Variants in UTRN observed in about 807,000 individuals in gnomAD.
UTRN encodes utrophin.
In UTRN, 283 loss-of-function variants were observed where a neutral mutation model predicts 463.9. That is an observed-to-expected ratio of 0.61 (90% CI 0.55 to 0.67). The LOEUF is 0.67. Ranked by LOEUF, UTRN falls within the 30% of genes least tolerant of loss-of-function variation. The pLI is 0.00. For missense variants in UTRN, 3,922 were observed against 4,084.3 expected (o/e 0.96, Z 1.08); for synonymous variants, 1,442 against 1,431.5 (o/e 1.01, Z -0.17).
chr6:144,319,930 C>T (rs111539944), intron 2 of UTRN, among the ~76,000 whole-genome samples: 216 of 151,846 alleles, frequency 1.4e-3, no homozygotes, highest in Non-Finnish European at 2.4e-3. Context: ...CTTGGCTCAC[C>T]GCAATGTCCG....
intron 2 of UTRN, among the ~76,000 whole-genome samples, chr6:144,379,424 A>G (rs1443554824): frequency 6.6e-6 from 1 of 151,832 alleles, no homozygotes; most frequent in Non-Finnish European, 1.5e-5. Flanking sequence ...GCTTATGTAC[A>G]TGGCTTTTGG....
intron 51 of UTRN, among the ~76,000 whole-genome samples, chr6:144,620,717 CT>C (rs1775274400): frequency 6.6e-6 from 1 of 152,038 alleles, no homozygotes; most frequent in African/African-American, 2.4e-5. Context: ...AAACTCTTTA[CT>C]TTTTTTCTTT....
intron 23 of UTRN, among the ~76,000 whole-genome samples, chr6:144,464,345 G>A (rs1014537743): frequency 2.0e-5 from 3 of 152,102 alleles, no homozygotes; most frequent in Non-Finnish European, 2.9e-5. Context: ...TACAGATGGA[G>A]GGGTTGTGTG....
chr6:144,575,561 G>A (rs1040262423), intron 50 of UTRN, among the ~76,000 whole-genome samples: 2 of 152,158 alleles, frequency 1.3e-5, no homozygotes, highest in Admixed American at 6.6e-5. Context: ...GAAATCTTGA[G>A]AAAGAGAGAG....
chr6:144,708,430 T>A, intron 53 of UTRN: 1 of 640,082 alleles, frequency 1.6e-6, no homozygotes, highest in Non-Finnish European at 2.9e-6. Context: ...TCCTTTCTTC[T>A]CTAGAGGCTC....
chr6:144,823,972 C>G (rs1272614615), intron 66 of UTRN, among the ~76,000 whole-genome samples: 1 of 152,022 alleles, frequency 6.6e-6, no homozygotes, highest in East Asian at 1.9e-4. Flanking sequence ...TAACATCCGA[C>G]TAGAAGGAAG....
intron 2 of UTRN, among the ~76,000 whole-genome samples, chr6:144,366,268 G>A (rs187293844): frequency 6.6e-6 from 1 of 152,262 alleles, no homozygotes; most frequent in Admixed American, 6.5e-5. Flanking sequence ...TTGATTTTAA[G>A]TTCTGGGGTA....
intron 51 of UTRN, among the ~76,000 whole-genome samples, chr6:144,628,578 T>C (rs761360781): frequency 1.6e-4 from 24 of 152,252 alleles, no homozygotes; most frequent in Admixed American, 6.5e-4. Context: ...ACTTTTTCTC[T>C]AATAGACATG....
intron 51 of UTRN, among the ~76,000 whole-genome samples, chr6:144,651,957 C>T (rs1297471831): frequency 6.6e-6 from 1 of 151,990 alleles, no homozygotes; most frequent in African/African-American, 2.4e-5. Flanking sequence ...GTCTTTTATC[C>T]CTCACCCCCC....
chr6:144,344,452 C>T, intron 2 of UTRN: 1 of 923,880 alleles, frequency 1.1e-6, no homozygotes, highest in Non-Finnish European at 1.5e-6. Context: ...TTTCCTGCTG[C>T]CACGTCTGTT....
chr6:144,288,618 G>A (rs1296312659), intron 1 of UTRN, among the ~76,000 whole-genome samples: 2 of 151,468 alleles, frequency 1.3e-5, no homozygotes, highest in African/African-American at 4.9e-5. Flanking sequence ...GTACTTGAAT[G>A]AAAGAATGTA....
rs572766273 is a variant in UTRN, at chr6:144,813,346, G to A, written c.9358-7536G>A. Among the ~76,000 whole-genome samples, 467 of 151,878 alleles carry A rather than the reference G, an allele frequency of 3.1e-3. 1 individual carries two copies. Among genetic ancestry groups the A allele is most frequent in the African/African-American group, 9.7e-3 (404 of 41,446 alleles). The stretch of plus-strand genomic sequence containing the variant: ...TGGGATTCCAGGCATGTGCCACCAC[G>A]CCCAGCTAATTTTTGCATTTTTAGT... On this transcript the variant is annotated intron_variant, in intron 65 of 74. Transcript: ENST00000367545.
intron 52 of UTRN, among the ~76,000 whole-genome samples, chr6:144,683,477 T>C (rs1782418297): frequency 6.6e-6 from 1 of 152,148 alleles, no homozygotes; most frequent in African/African-American, 2.4e-5. Flanking sequence ...CCTCCCAGGC[T>C]CCTGGCTCCT....
chr6:144,437,778 C>G, intron 11 of UTRN, 32 bp downstream of exon 11: 5 of 1,589,402 alleles, frequency 3.1e-6, no homozygotes, highest in Non-Finnish European at 4.3e-6. Flanking sequence ...GCACTTAATT[C>G]CACAGGCTGC....
intron 4 of UTRN, among the ~76,000 whole-genome samples, chr6:144,422,769 G>T (rs1784944618): frequency 6.6e-6 from 1 of 152,184 alleles, no homozygotes; most frequent in Admixed American, 6.5e-5. Flanking sequence ...CAATAAAGAG[G>T]ATGCATGTAT....
intron 53 of UTRN, among the ~76,000 whole-genome samples, chr6:144,703,220 GA>G (rs1784764057): frequency 6.6e-6 from 1 of 152,160 alleles, no homozygotes; most frequent in African/African-American, 2.4e-5. Context: ...AAAGCAAATA[GA>G]AAATGGAAGT....
intron 52 of UTRN, among the ~76,000 whole-genome samples, chr6:144,696,711 T>C (rs1016117240): frequency 1.3e-4 from 20 of 152,204 alleles, no homozygotes; most frequent in Non-Finnish European, 4.4e-5. Flanking sequence ...ATTGGACATT[T>C]GATTCTGGGT....
chr6:144,700,212 C>G lies in UTRN; in HGVS notation c.7778C>G (p.Pro2593Arg). The change falls in exon 53 of 75, where the codon CCA (proline) becomes CGA (arginine). Residue 2593 changes from proline (P) to arginine (R), a missense_variant. Transcript: ENST00000367545. ...KKQMPIGGDV[P>R]ALQLQYDHCK... ...CAAATGCCTATTGGAGGAGATGTTCCAGCCTTACAGCTCCAGTATGACCAT... is the reference window on the plus strand; with the variant it reads ...CAAATGCCTATTGGAGGAGATGTTCGAGCCTTACAGCTCCAGTATGACCAT... 1 of 1,613,300 alleles carries G rather than the reference C, an allele frequency of 6.2e-7. No individual in the cohort carries two copies. The highest frequency in any genetic ancestry group is 8.5e-7 in the Non-Finnish European group (1 of 1,179,476).
At chr6:144,803,004 C>T in intron 64 of UTRN, 32 bp from the exon 65 acceptor site, 1 of 1,437,154 alleles carries the variant, frequency 7.0e-7, no homozygotes, top group South Asian at 1.5e-5. Context: ...GATAGTAATG[C>T]AAGCCAATAA....
Sources: gnomAD v4.1 joint callset for allele counts (sites outside exome capture counted in the v4.1 genomes callset) on GRCh38, gnomAD v4.1.1 for gene constraint, MANE v1.5 for transcripts, NCBI Gene and HGNC (gene_info 2026-07-23, HGNC 2026-07-21) for gene names.